Variants in DCTN1 observed in about 807,000 individuals in gnomAD.
DCTN1 encodes 150 kDa dynein-associated polypeptide.
In DCTN1, 61 loss-of-function variants were observed where a neutral mutation model predicts 161.2. The observed-to-expected ratio is 0.38, with a 90% CI of 0.31 to 0.47. DCTN1 has a LOEUF of 0.47. Ranked by LOEUF, DCTN1 falls within the 20% of genes least tolerant of loss-of-function variation. The pLI, the probability that DCTN1 is intolerant of heterozygous loss-of-function variation, is 0.99. For synonymous variants in DCTN1, 653 were observed against 632.4 expected (o/e 1.03, Z -0.49); for missense variants, 1,404 against 1,623.7 (o/e 0.86, Z 2.33).
intron 26 of DCTN1, 24 bp downstream of exon 26, chr2:74,365,051 T>C (rs1459710897): frequency 2.5e-6 from 4 of 1,613,932 alleles, no homozygotes; most frequent in Admixed American, 3.3e-5. Flanking sequence ...TCTGTGCTAG[T>C]GCTGCCTATT....
intron 5 of DCTN1, 41 bp from the exon 6 acceptor site, chr2:74,374,381 G>T: frequency 6.2e-7 from 1 of 1,612,958 alleles, no homozygotes; most frequent in Non-Finnish European, 8.5e-7. Flanking sequence ...GCAAGGAGAG[G>T]AAAGAGGAGG....
intron 5 of DCTN1, among the ~76,000 whole-genome samples, chr2:74,375,419 G>A (rs1242004237): frequency 6.6e-6 from 1 of 152,262 alleles, no homozygotes; most frequent in East Asian, 1.9e-4. Context: ...AGACTGGGGT[G>A]CTCCGGGGTG....
rs780626629 is a variant in DCTN1, at chr2:74,369,324, G to A, written c.1560C>T (p.Tyr520=). ...CCTGTAGATGGGCGGTCAGCTGGCG[G>A]TACTTCTTGATGGTCTGCTGGTAGT... ...VADYQQTIKK[Y]RQLTAHLQDV... Residue 520 remains tyrosine (Y), a synonymous_variant, in exon 14 of 32, where the codon TAC becomes TAT. Transcript: ENST00000628224. This position sits in a 1 kb window ranked among gnomAD's most constrained non-coding sequence, Gnocchi z 4.9. 14 of 1,614,216 alleles carry A rather than the reference G, an allele frequency of 8.7e-6. No homozygotes were observed. Among genetic ancestry groups the A allele is most frequent in the Admixed American group, 1.7e-5 (1 of 60,020 alleles).
chr2:74,367,014 G>A lies in DCTN1; in HGVS notation c.2316+31C>T, dbSNP rs1201549731. The A allele has an allele frequency of 4.3e-6, 7 of 1,614,178 alleles. No individual in the cohort carries two copies. In the East Asian group the frequency reaches 1.1e-4, roughly 26 times the overall value. ...AGGAAGTGAGGACTAAGAAAGAAGA[G>A]GAGCTCACACAGATCTAGATGTGTT... On this transcript the variant is annotated intron_variant, in intron 20 of 31. Coordinates refer to ENST00000628224, the MANE Select transcript of DCTN1 (RefSeq NM_004082.5).
intron 1 of DCTN1, chr2:74,387,132 G>A (rs1190637767): frequency 6.6e-6 from 1 of 152,174 alleles, no homozygotes; most frequent in Non-Finnish European, 1.5e-5. Flanking sequence ...AAAGAGCCCT[G>A]GTGACCCCAA....
At chr2:74,365,307 T>C in intron 25 of DCTN1, 66 bp from the exon 26 acceptor site, 1 of 1,598,256 alleles carries the variant, frequency 6.3e-7, no homozygotes, top group Non-Finnish European at 8.5e-7. Context: ...TATTCAGTCC[T>C]GAGAGGTCCT....
At chr2:74,372,064 C>T (rs13426617) in intron 7 of DCTN1, 7,074 of 344,894 alleles carry the variant, frequency 0.021, 474 homozygotes, top group African/African-American at 0.14. Context: ...GAGCAGAATC[C>T]GTTATTCCCT....
chr2:74,379,863 C>T (rs1014421075), intron 1 of DCTN1, 142 bp downstream of exon 1: 7 of 853,556 alleles, frequency 8.2e-6, no homozygotes, highest in South Asian at 2.8e-5. Flanking sequence ...ACCAGGGCTT[C>T]GAGGGCTCCT....
chr2:74,363,990 C>A (rs1674216562), intron 26 of DCTN1: 5 of 377,332 alleles, frequency 1.3e-5, no homozygotes, highest in African/African-American at 8.2e-5. Flanking sequence ...CCCAATATGT[C>A]TGCACCCTTA....
chr2:74,385,138 C>G (rs1029592612), upstream of DCTN1: 1 of 152,232 alleles, frequency 6.6e-6, no homozygotes, highest in African/African-American at 2.4e-5. Flanking sequence ...CCTAAAAAAA[C>G]GTCTACAAAC....
Position 74,367,676 on chromosome 2 carries a change from C to T in DCTN1, c.2184+20G>A, listed in dbSNP as rs201918275. The T allele has an allele frequency of 6.2e-7, 1 of 1,614,126 alleles. No individual in the cohort carries two copies. Among genetic ancestry groups the T allele is most frequent in the Admixed American group, 1.7e-5 (1 of 60,030 alleles). On this transcript the variant is annotated intron_variant, in intron 18 of 31. Transcript: ENST00000628224. ...AAGCTTCCCTGCCTCCTGCCCCAAG[C>T]CCAAATTCTTGCCCCACACCTGATA...
rs772172578 is a variant in DCTN1, at chr2:74,369,345, G to A, written c.1539C>T (p.Tyr513=). 1 of 1,614,192 alleles carries A rather than the reference G, an allele frequency of 6.2e-7. No individual in the cohort carries two copies. The highest frequency in any genetic ancestry group is 1.1e-5 in the South Asian group (1 of 91,084). ...GGCGGTACTTCTTGATGGTCTGCTG[G>A]TAGTCTGCAACCGTCTCCTGGGCTG... ...VEAAQETVAD[Y]QQTIKKYRQL... Residue 513 remains tyrosine, a synonymous_variant, in exon 14 of 32, where the codon TAC becomes TAT. Transcript: ENST00000628224. The surrounding 1 kb of genome is among the most constrained non-coding windows in gnomAD (Gnocchi z 4.9).
chr2:74,365,570 C>T lies in DCTN1; in HGVS notation c.2974G>A (p.Glu992Lys), dbSNP rs768409522. The T allele has an allele frequency of 2.3e-5, 37 of 1,614,160 alleles. No homozygotes were observed. Among genetic ancestry groups the T allele is most frequent in the Non-Finnish European group, 3.1e-5 (36 of 1,180,032 alleles). ...TCCTCCAGCCGAGTCTGGACTTTCT[C>T]GATGCGCTCATCTGCATCCTTGGCA... ...SAAKDADERI[E>K]KVQTRLEETQ... The change falls in exon 25 of 32, where the codon GAG becomes AAG. Residue 992 changes from glutamate (E) to lysine (K), a missense_variant. Physicochemically the swap from Glu to Lys is moderately conservative, Grantham distance 56 (BLOSUM62 1). This residue lies in a region of DCTN1 where 475 missense variants were observed against 489.8 expected (regional missense o/e 0.97). Transcript: ENST00000628224.
At position 74,366,251 on chromosome 2, in the gene DCTN1, G is replaced by T. The variant is rs771075973; in HGVS notation, c.2753C>A (p.Pro918His). 3.7e-6 allele frequency: 6 copies of T among 1,614,098 alleles called. No individual in the cohort carries two copies. In the Admixed American group the frequency reaches 1.0e-4, roughly 27 times the overall value. ...AAGGAAATCTCCACCTACCTTGCTG[G>T]GGGGCCGCTCTGCATCATACTCCCC... Reference protein sequence around the residue: ...QEGEYDAERPPSKPPPVELRA... With the variant: ...QEGEYDAERPHSKPPPVELRA... Residue 918 changes from proline to histidine, a missense_variant, in exon 23 of 32, where the codon CCC (proline) becomes CAC (histidine). Around this residue, in one of 9 missense-constraint regions of DCTN1, gnomAD observed 475 missense variants for 489.8 expected, o/e 0.97. Coordinates refer to ENST00000628224, the MANE Select transcript of DCTN1 (RefSeq NM_004082.5).
At chr2:74,367,637 C>T in intron 18 of DCTN1, 59 bp downstream of exon 18, 3 of 1,609,266 alleles carry the variant, frequency 1.9e-6, no homozygotes, top group South Asian at 1.1e-5. Flanking sequence ...TTAGTAAGAG[C>T]CCCCATCAAG....
chr2:74,377,956 G>A (rs774291772), intron 2 of DCTN1, 44 bp downstream of exon 2: 1 of 1,610,454 alleles, frequency 6.2e-7, no homozygotes, highest in South Asian at 1.1e-5. Flanking sequence ...ACATGCGACA[G>A]ACATGTGCAC....
chr2:74,384,407 G>A (rs1304847977), upstream of DCTN1, among the ~76,000 whole-genome samples: 3 of 152,138 alleles, frequency 2.0e-5, no homozygotes, highest in African/African-American at 7.2e-5. Flanking sequence ...GACAATCCTG[G>A]GTTAATGTTA....
At chr2:74,372,849 C>A in intron 7 of DCTN1, 79 bp downstream of exon 7, 4 of 1,397,334 alleles carry the variant, frequency 2.9e-6, no homozygotes, top group Non-Finnish European at 4.1e-6. Flanking sequence ...CTTGCTCATA[C>A]ACGTGCCCTC....
chr2:74,368,599 C>T lies in DCTN1; in HGVS notation c.1854+129G>A, dbSNP rs192201914. ...TAATATATATTAATCGGTGACTTTG[C>T]TGTGTTCCTCCACTATACCATAAAC... On this transcript the variant is annotated intron_variant, in intron 16 of 31. Coordinates refer to ENST00000628224, the MANE Select transcript of DCTN1 (RefSeq NM_004082.5). 1,499 of 1,254,960 alleles carry T rather than the reference C, an allele frequency of 1.2e-3. 4 individuals carry two copies. Among genetic ancestry groups the T allele is most frequent in the South Asian group, 4.2e-3 (333 of 78,802 alleles). The allele number at this position is 1,254,960 out of a possible 1,614,324, so 77.7% of individuals were successfully genotyped here.
Sources: allele counts gnomAD v4.1 joint callset (sites outside exome capture counted in the v4.1 genomes callset), GRCh38; gene constraint gnomAD v4.1.1; regional missense constraint gnomAD v4.1.1; non-coding constraint Gnocchi (gnomAD v3.1); transcripts MANE v1.5; gene names NCBI Gene and HGNC (gene_info 2026-07-23, HGNC 2026-07-21).